INTS9: variants seen among roughly 807,000 people sequenced by gnomAD.
INTS9 encodes integrator complex subunit 9.
INTS9 carries 55 observed loss-of-function variants against 79.7 expected under a neutral mutation model. The ratio of observed to expected loss-of-function variants is 0.69; its 90% CI spans 0.56 to 0.86. The LOEUF is 0.86. Among genes scored for constraint, INTS9 ranks in the 40% least tolerant of loss-of-function variants. INTS9 has a pLI of 0.00. For missense variants in INTS9, 721 were observed against 831.5 expected, an observed-to-expected ratio of 0.87 and a Z score of 1.64; for synonymous variants, 319 against 325.2, an observed-to-expected ratio of 0.98 and a Z score of 0.20.
In INTS9 at chr8:28,777,882, T is replaced by C; in HGVS notation, c.1342A>G (p.Ile448Val). The C allele has an allele frequency of 6.2e-7, 1 of 1,612,712 alleles. No homozygotes were observed. Among genetic ancestry groups the C allele is most frequent in the East Asian group, 2.2e-5 (1 of 44,676 alleles). The change falls in exon 13 of 17, where the codon ATC becomes GTC. Residue 448 changes from isoleucine to valine, a missense_variant. By Grantham distance (29) the Ile-to-Val change is conservative (BLOSUM62 3). Around this residue, in one of 3 missense-constraint regions of INTS9, gnomAD observed 281 missense variants for 300.8 expected, o/e 0.93. Transcript: ENST00000521022. ...TGGATGAAGTTCAGCCGGGTGTCGA[T>C]GGGGCAGTAGATGCATTTCATGGCC... ...PLAMKCIYCP[I>V]DTRLNFIQVS... is the part of the protein sequence containing the mutation.
intron 6 of INTS9, among the ~76,000 whole-genome samples, chr8:28,823,467 C>A (rs1055978264): frequency 6.6e-6 from 1 of 152,220 alleles, no homozygotes; most frequent in Non-Finnish European, 1.5e-5. Flanking sequence ...CACACTTTCC[C>A]AATGTCCTGC....
chr8:28,850,576 A>G (rs891217824), intron 2 of INTS9, among the ~76,000 whole-genome samples: 4 of 152,222 alleles, frequency 2.6e-5, no homozygotes, highest in Admixed American at 6.5e-5. Flanking sequence ...TAATTGTCCA[A>G]TCACCCTGTC....
intron 4 of INTS9, among the ~76,000 whole-genome samples, chr8:28,845,423 A>G (rs917303508): frequency 6.6e-6 from 1 of 152,240 alleles, no homozygotes; most frequent in African/African-American, 2.4e-5. Context: ...TGCCTGAAAA[A>G]ATGTATATGG....
chr8:28,791,466 C>T lies in INTS9; in HGVS notation c.1037+2341G>A, dbSNP rs376762682. Among the ~76,000 whole-genome samples the T allele has an allele frequency of 4.5e-3, 688 of 152,264 alleles. 2 individuals are homozygous for T. The highest frequency in any genetic ancestry group is 0.013 in the African/African-American group (524 of 41,554). Reference sequence around the variant, plus strand: ...GTTATCCTCTCCACCCACACATCACCGCCGGCAGACCACCCAACTCATCCT... The same window carrying T: ...GTTATCCTCTCCACCCACACATCACTGCCGGCAGACCACCCAACTCATCCT... On this transcript the variant is annotated intron_variant, in intron 10 of 16. Transcript: ENST00000521022.
intron 9 of INTS9, among the ~76,000 whole-genome samples, chr8:28,794,684 G>A (rs1406411725): frequency 2.0e-5 from 3 of 152,184 alleles, no homozygotes; most frequent in African/African-American, 7.2e-5. Context: ...GAATGAATTA[G>A]ATCAGTAATT....
intron 6 of INTS9, among the ~76,000 whole-genome samples, chr8:28,819,423 T>G (rs2131089903): frequency 6.6e-6 from 1 of 152,332 alleles, no homozygotes; most frequent in East Asian, 1.9e-4. Flanking sequence ...CAGTAGTCAT[T>G]CAGGAGCAGG....
At chr8:28,777,374 C>G (rs1015268850) in intron 13 of INTS9, among the ~76,000 whole-genome samples, 26 of 152,204 alleles carry the variant, frequency 1.7e-4, no homozygotes, top group Non-Finnish European at 3.4e-4. Flanking sequence ...GCTACTTCTT[C>G]CCTTTCTCCA....
intron 14 of INTS9, among the ~76,000 whole-genome samples, chr8:28,773,128 A>G (rs1352680069): frequency 1.3e-5 from 2 of 152,264 alleles, no homozygotes; most frequent in African/African-American, 4.8e-5. Context: ...GGATGCTCCT[A>G]AAAGTGTTAT....
chr8:28,817,871 A>G (rs1188032877), intron 6 of INTS9, among the ~76,000 whole-genome samples: 14 of 149,252 alleles, frequency 9.4e-5, no homozygotes, highest in Admixed American at 7.4e-4. Flanking sequence ...GGTCCTTCAC[A>G]TCCCTTGTAA....
chr8:28,812,823 C>T (rs546711201), intron 7 of INTS9, among the ~76,000 whole-genome samples: 9 of 152,270 alleles, frequency 5.9e-5, no homozygotes, highest in African/African-American at 1.9e-4. Context: ...TGCGCTCCAG[C>T]CTGAGTAACA....
chr8:28,883,717 A>G (rs1810018848), intron 1 of INTS9, among the ~76,000 whole-genome samples: 1 of 152,220 alleles, frequency 6.6e-6, no homozygotes, highest in Non-Finnish European at 1.5e-5. Context: ...CACGTTCCAT[A>G]TAGGCTGGGG....
chr8:28,768,800 A>G (rs1802357060), intron 16 of INTS9, among the ~76,000 whole-genome samples: 1 of 152,246 alleles, frequency 6.6e-6, no homozygotes, highest in South Asian at 2.1e-4. Context: ...AATTCCTTAC[A>G]AATCAGACGT....
intron 6 of INTS9, among the ~76,000 whole-genome samples, chr8:28,817,553 T>C (rs886951270): frequency 6.6e-6 from 1 of 152,256 alleles, no homozygotes; most frequent in Non-Finnish European, 1.5e-5. Flanking sequence ...TTTTGGTTAC[T>C]GTAGCCTTGC....
intron 12 of INTS9, chr8:28,780,362 C>T (rs1291253009): frequency 1.0e-6 from 1 of 982,532 alleles, no homozygotes; most frequent in Admixed American, 6.3e-5. Context: ...TAAAATGATA[C>T]AGTCATTATC....
chr8:28,855,783 T>C (rs1241869477), intron 2 of INTS9, among the ~76,000 whole-genome samples: 2 of 152,222 alleles, frequency 1.3e-5, no homozygotes, highest in Non-Finnish European at 1.5e-5. Context: ...TGGTATACTA[T>C]CAATGTAAAT....
intron 8 of INTS9, chr8:28,798,414 C>T (rs17059456): frequency 0.19 from 29,112 of 152,096 alleles, 3,121 homozygotes; most frequent in East Asian, 0.46. Flanking sequence ...ATAATGATCC[C>T]GAGGGCTAAA....
intron 10 of INTS9, among the ~76,000 whole-genome samples, chr8:28,790,163 G>A (rs1358858652): frequency 6.6e-6 from 1 of 152,176 alleles, no homozygotes; most frequent in Non-Finnish European, 1.5e-5. Flanking sequence ...AGCAGGCCGG[G>A]CCTGAGGCTG....
intron 2 of INTS9, among the ~76,000 whole-genome samples, chr8:28,852,605 A>C (rs892104940): frequency 1.3e-5 from 2 of 152,240 alleles, no homozygotes; most frequent in Non-Finnish European, 2.9e-5. Flanking sequence ...TACAAAGAGA[A>C]CTGGATCAAA....
intron 10 of INTS9, 37 bp from the exon 11 acceptor site, chr8:28,787,926 G>A (rs770036352): frequency 8.0e-6 from 12 of 1,498,576 alleles, no homozygotes; most frequent in African/African-American, 1.4e-5. Context: ...ATGTGAGGAA[G>A]AGCATACGGT....
Sources: gnomAD v4.1 joint callset for allele counts (sites outside exome capture counted in the v4.1 genomes callset) on GRCh38, gnomAD v4.1.1 for gene constraint, gnomAD v4.1.1 regional missense constraint, MANE v1.5 for transcripts, NCBI Gene and HGNC (gene_info 2026-07-23, HGNC 2026-07-21) for gene names.